Variants in HECW2 observed in about 807,000 individuals in gnomAD.
HECW2 encodes HECT, C2 and WW domain containing E3 ubiquitin protein ligase 2, also known as E3 ubiquitin-protein ligase HECW2.
HECW2 carries 61 observed loss-of-function variants against 175.2 expected under a neutral mutation model. That is an observed-to-expected ratio of 0.35 (90% CI 0.28 to 0.43). HECW2 has a LOEUF of 0.43. Ranked by LOEUF, HECW2 falls within the 20% of genes least tolerant of loss-of-function variation. HECW2 has a pLI of 1.00. For missense variants in HECW2, 1,524 were observed against 2,000.5 expected (o/e 0.76, Z 4.54); for synonymous variants, 671 against 731.0 (o/e 0.92, Z 1.32).
In HECW2 at chr2:196,318,535, T is replaced by C. The variant is rs755050515; in HGVS notation, c.2338+17A>G. The C allele has an allele frequency of 6.8e-7, 1 of 1,480,078 alleles. No homozygotes were observed. The highest frequency in any genetic ancestry group is 1.5e-5 in the South Asian group (1 of 67,468). 91.7% of individuals were successfully genotyped at this position (1,480,078 alleles called of 1,614,324 possible). On this transcript the variant is annotated intron_variant, in intron 9 of 28. Transcript: ENST00000644978. ...GCTACGCTCGAGCCAAGAGCCACAGTGGTGTCCATATCCTACCTCCAGTAG... is the reference window on the plus strand; with the variant it reads ...GCTACGCTCGAGCCAAGAGCCACAGCGGTGTCCATATCCTACCTCCAGTAG...
intron 1 of HECW2, among the ~76,000 whole-genome samples, chr2:196,505,141 T>TA (rs1480316807): frequency 2.6e-5 from 4 of 152,122 alleles, no homozygotes; most frequent in Non-Finnish European, 4.4e-5. Flanking sequence ...ATAGTAATGA[T>TA]AAAATTAGAT....
intron 3 of HECW2, 25 bp from the exon 4 acceptor site, chr2:196,334,543 T>A (rs199822779): frequency 3.1e-5 from 48 of 1,530,756 alleles, no homozygotes; most frequent in Non-Finnish European, 4.5e-6. Flanking sequence ...GAGAAAACAG[T>A]AATTTAAACA....
At chr2:196,334,274 A>C in intron 4 of HECW2, 150 bp downstream of exon 4, 1 of 571,786 alleles carries the variant, frequency 1.7e-6, no homozygotes, top group South Asian at 2.8e-5. Context: ...CCAACCTTGT[A>C]AGCTATTTCC....
At chr2:196,342,162 T>C (rs1020330584) in intron 3 of HECW2, among the ~76,000 whole-genome samples, 10 of 151,962 alleles carry the variant, frequency 6.6e-5, no homozygotes, top group Admixed American at 5.2e-4. Flanking sequence ...CCCAGCACTT[T>C]GGGAGGCTGA....
intron 1 of HECW2, among the ~76,000 whole-genome samples, chr2:196,575,808 C>T (rs1401757998): frequency 6.6e-6 from 1 of 152,130 alleles, no homozygotes; most frequent in Non-Finnish European, 1.5e-5. Context: ...CAGGAGCAGG[C>T]GTGTCACATG....
intron 3 of HECW2, among the ~76,000 whole-genome samples, chr2:196,334,838 C>T (rs9808042): frequency 0.026 from 4,005 of 152,304 alleles, 181 homozygotes; most frequent in African/African-American, 0.091. Context: ...TTATGTCTCA[C>T]GTTCATGTTG....
chr2:196,472,346 T>A (rs1241779136), intron 1 of HECW2, among the ~76,000 whole-genome samples: 2 of 149,398 alleles, frequency 1.3e-5, no homozygotes, highest in Non-Finnish European at 3.0e-5. Flanking sequence ...TTGGGGGTGG[T>A]CAGGGGCGGG....
intron 2 of HECW2, among the ~76,000 whole-genome samples, chr2:196,415,972 T>C (rs1387521577): frequency 2.0e-5 from 3 of 152,234 alleles, no homozygotes; most frequent in Admixed American, 1.3e-4. Flanking sequence ...ATAGTAGGGA[T>C]AGAGGGGTTC....
intron 1 of HECW2, among the ~76,000 whole-genome samples, chr2:196,554,077 G>T (rs1190989999): frequency 2.0e-5 from 3 of 152,164 alleles, no homozygotes; most frequent in Non-Finnish European, 4.4e-5. Flanking sequence ...GGTGGCTCAC[G>T]CCTGTAATCC....
intron 14 of HECW2, chr2:196,289,588 A>C (rs1281327165): frequency 6.6e-6 from 1 of 152,268 alleles, no homozygotes; most frequent in Non-Finnish European, 1.5e-5. Context: ...CTAAGGTAGG[A>C]GGAACCAGCC....
intron 2 of HECW2, among the ~76,000 whole-genome samples, chr2:196,378,038 C>T (rs1371160302): frequency 6.6e-6 from 1 of 152,210 alleles, no homozygotes; most frequent in Non-Finnish European, 1.5e-5. Flanking sequence ...GCACGTATTA[C>T]TCTAAGAGTA....
chr2:196,441,463 G>A (rs115910989), intron 1 of HECW2, among the ~76,000 whole-genome samples: 1 of 151,850 alleles, frequency 6.6e-6, no homozygotes, highest in Non-Finnish European at 1.5e-5. Flanking sequence ...CTATCTAAAT[G>A]AGGAAAACAA....
At chr2:196,519,074 A>G (rs1688252089) in intron 1 of HECW2, among the ~76,000 whole-genome samples, 1 of 152,216 alleles carries the variant, frequency 6.6e-6, no homozygotes, top group Non-Finnish European at 1.5e-5. Flanking sequence ...AATAGCTAGC[A>G]TATGTGTAAG....
intron 1 of HECW2, among the ~76,000 whole-genome samples, chr2:196,539,670 T>C (rs1271378325): frequency 6.6e-6 from 1 of 152,116 alleles, no homozygotes; most frequent in Non-Finnish European, 1.5e-5. Flanking sequence ...CAAATACTTT[T>C]ACGTGTACGA....
At chr2:196,309,131 C>CTAT (rs1016020416) in intron 10 of HECW2, among the ~76,000 whole-genome samples, 2 of 152,160 alleles carry the variant, frequency 1.3e-5, no homozygotes, top group African/African-American at 4.8e-5. Context: ...TCCTGACCAC[C>CTAT]TATGGCATTT....
intron 1 of HECW2, among the ~76,000 whole-genome samples, chr2:196,439,769 G>A (rs1357859680): frequency 1.3e-5 from 2 of 152,118 alleles, no homozygotes; most frequent in Non-Finnish European, 2.9e-5. Context: ...AATAGGAAAG[G>A]GAAGTCTCAG....
intron 21 of HECW2, chr2:196,240,156 G>A (rs1473199047): frequency 8.8e-6 from 2 of 226,122 alleles, no homozygotes; most frequent in Non-Finnish European, 1.7e-5. Context: ...TCCTTGTAAA[G>A]CCTTACTTTT....
chr2:196,494,753 T>C (rs934245313), intron 1 of HECW2, among the ~76,000 whole-genome samples: 2 of 152,240 alleles, frequency 1.3e-5, no homozygotes, highest in African/African-American at 4.8e-5. Context: ...AGGTGACTAT[T>C]ATGCAGGTTC....
intron 20 of HECW2, 51 bp downstream of exon 20, chr2:196,242,033 C>A: frequency 6.4e-7 from 1 of 1,571,376 alleles, no homozygotes; most frequent in South Asian, 1.1e-5. Context: ...CCAACTGTGC[C>A]CTCTCCTTTC....
Sources: gnomAD v4.1 joint callset for allele counts (sites outside exome capture counted in the v4.1 genomes callset) on GRCh38, gnomAD v4.1.1 for gene constraint, MANE v1.5 for transcripts, NCBI Gene and HGNC (gene_info 2026-07-23, HGNC 2026-07-21) for gene names.